The following MTERF4 variants were observed in gnomAD, a reference collection of about 807,000 sequenced individuals.
MTERF4 encodes the protein mitochondrial transcription termination factor 4, also known as transcription termination factor 4, mitochondrial.
A neutral mutation model predicts 22.5 loss-of-function variants in MTERF4; 17 were observed. The ratio of observed to expected loss-of-function variants is 0.75; its 90% CI spans 0.52 to 1.13. The LOEUF (loss-of-function observed/expected upper bound fraction) is 1.13. MTERF4 is among the 50% of genes most tolerant of loss of function. The pLI is 0.00. For missense variants in MTERF4, 420 were observed against 466.8 expected, an observed-to-expected ratio of 0.90 and a Z score of 0.92; for synonymous variants, 165 against 175.3, an observed-to-expected ratio of 0.94 and a Z score of 0.47.
At chr2:241,071,551 C>T (rs546010630), downstream of MTERF4, 82 of 1,569,594 alleles carry the variant, frequency 5.2e-5, no homozygotes, top group Admixed American at 9.0e-5. Flanking sequence ...CCCAGACCAG[C>T]CCCTTCCTCC....
intron 4 of MTERF4, among the ~76,000 whole-genome samples, chr2:241,080,249 A>G (rs1004942043): frequency 6.6e-6 from 1 of 152,214 alleles, no homozygotes; most frequent in Admixed American, 6.5e-5. Context: ...GCGACACTGC[A>G]CTCCAGCCTG....
chr2:241,070,284 G>T (rs1575051970), downstream of MTERF4: 7 of 1,404,602 alleles, frequency 5.0e-6, no homozygotes, highest in East Asian at 1.2e-4. Context: ...GGCCCTGCAG[G>T]GGCCTGGGAT....
the MTERF4 span, among the ~76,000 whole-genome samples, chr2:241,046,101 A>G: frequency 6.6e-6 from 1 of 152,254 alleles, no homozygotes; most frequent in Admixed American, 6.5e-5. Flanking sequence ...AATGCAAATA[A>G]AAGCCACTAC....
chr2:241,064,349 C>T, the MTERF4 span, among the ~76,000 whole-genome samples: 1 of 151,988 alleles, frequency 6.6e-6, no homozygotes, highest in Non-Finnish European at 1.5e-5. This position sits in a 1 kb window ranked among gnomAD's most constrained non-coding sequence, Gnocchi z 7.0. Flanking sequence ...CCTGCGCTCA[C>T]CCCCCAGACA....
chr2:241,066,997 TCAG>T, the MTERF4 span, among the ~76,000 whole-genome samples: 1 of 152,134 alleles, frequency 6.6e-6, no homozygotes, highest in Non-Finnish European at 1.5e-5. Flanking sequence ...TGAGCAGGTG[TCAG>T]CAGGAGCTGC....
exon 5 of MTERF4, chr2:241,074,623 T>C (rs1184901015): frequency 2.0e-5 from 3 of 152,128 alleles, no homozygotes; most frequent in Non-Finnish European, 4.4e-5. Context: ...CATGTGGTGT[T>C]TGCCAGCACG....
At chr2:241,094,145 C>A, downstream of MTERF4, 1 of 365,908 alleles carries the variant, frequency 2.7e-6, no homozygotes, top group South Asian at 2.1e-5. The surrounding 1 kb of genome is among the most constrained non-coding windows in gnomAD (Gnocchi z 4.3). Context: ...CCAAGCAAGG[C>A]AATAAAGACA....
In MTERF4 at chr2:241,096,692, A is replaced by G. The variant is rs2064445075; in HGVS notation, c.706-254T>C. ...AAAAGGGGCAGGAGGGAGAAGGGGC[A>G]GAAGGAAGAGGTGGTATTTTTCTTT... On this transcript the variant is annotated intron_variant, in intron 3 of 3. Coordinates refer to ENST00000391980, the MANE Select transcript of MTERF4 (RefSeq NM_182501.4). The surrounding 1 kb of genome is among the most constrained non-coding windows in gnomAD (Gnocchi z 5.1). The G allele has an allele frequency of 3.0e-6, 2 of 669,758 alleles. No individual in the cohort carries two copies. Among genetic ancestry groups the G allele is most frequent in the Non-Finnish European group, 5.6e-6 (2 of 355,772 alleles). 41.5% of individuals were successfully genotyped at this position (669,758 alleles called of 1,614,324 possible).
chr2:241,079,509 T>C (rs761599592), intron 4 of MTERF4, among the ~76,000 whole-genome samples: 1 of 152,108 alleles, frequency 6.6e-6, no homozygotes, highest in Non-Finnish European at 1.5e-5. Flanking sequence ...TTGTCCTCAT[T>C]TTAATAAAGA....
chr2:241,090,917 C>T (rs1377749233), downstream of MTERF4, among the ~76,000 whole-genome samples: 1 of 151,882 alleles, frequency 6.6e-6, no homozygotes, highest in Non-Finnish European at 1.5e-5. Flanking sequence ...GCTATGACCT[C>T]AGCTCCACTG....
chr2:241,068,092 G>A, downstream of MTERF4: 1 of 788,674 alleles, frequency 1.3e-6, no homozygotes, highest in Non-Finnish European at 2.0e-6. The surrounding 1 kb of genome is among the most constrained non-coding windows in gnomAD (Gnocchi z 5.3). Flanking sequence ...AAGGTCTCAG[G>A]TGAGCCAGCC....
downstream of MTERF4, among the ~76,000 whole-genome samples, chr2:241,084,335 G>A (rs928029006): frequency 1.3e-5 from 2 of 151,912 alleles, no homozygotes; most frequent in African/African-American, 2.4e-5. Flanking sequence ...CAAAGTTTAC[G>A]TAGAGACAGG....
At chr2:241,067,889 G>A, downstream of MTERF4, 1 of 1,613,534 alleles carries the variant, frequency 6.2e-7, no homozygotes, top group Non-Finnish European at 8.5e-7. Context: ...CCGCCACCCT[G>A]AGGCCCTCAG....
downstream of MTERF4, among the ~76,000 whole-genome samples, chr2:241,068,702 C>T (rs1241691304): frequency 6.6e-6 from 1 of 152,176 alleles, no homozygotes; most frequent in Non-Finnish European, 1.5e-5. This position sits in a 1 kb window ranked among gnomAD's most constrained non-coding sequence, Gnocchi z 5.3. Flanking sequence ...GATCCTCCTC[C>T]GCTGCCCGGA....
the MTERF4 span, among the ~76,000 whole-genome samples, chr2:241,047,470 A>G: frequency 2.6e-5 from 4 of 152,186 alleles, no homozygotes; most frequent in Non-Finnish European, 5.9e-5. Context: ...AAGCTAGAGG[A>G]GACTTGGGCT....
chr2:241,097,142 A>C, intron 3 of MTERF4, 101 bp downstream of exon 3: 1 of 1,399,920 alleles, frequency 7.1e-7, no homozygotes, highest in South Asian at 1.3e-5. Flanking sequence ...CTGTTACTAC[A>C]CTAATCACGG....
chr2:241,048,593 A>G, the MTERF4 span: 18 of 1,511,254 alleles, frequency 1.2e-5, no homozygotes, highest in East Asian at 3.9e-4. Flanking sequence ...GGAGCAGGGC[A>G]GGGTCTGGAG....
chr2:241,063,709 T>C, the MTERF4 span: 1 of 1,546,548 alleles, frequency 6.5e-7, no homozygotes, highest in Non-Finnish European at 8.9e-7. Flanking sequence ...AGGTAGGGGC[T>C]CCCTCCAGTG....
chr2:241,070,654 A>G (rs1277061372), downstream of MTERF4, among the ~76,000 whole-genome samples: 1 of 152,244 alleles, frequency 6.6e-6, no homozygotes, highest in Non-Finnish European at 1.5e-5. Flanking sequence ...GCAGAGGCAC[A>G]GGGCAGAAGC....
Sources: allele counts gnomAD v4.1 joint callset (sites outside exome capture counted in the v4.1 genomes callset), GRCh38; gene constraint gnomAD v4.1.1; non-coding constraint Gnocchi (gnomAD v3.1); transcripts MANE v1.5; gene names NCBI Gene and HGNC (gene_info 2026-07-23, HGNC 2026-07-21).